The following TLK2 variants were observed in gnomAD, a reference collection of about 807,000 sequenced individuals.
TLK2 encodes the protein tousled like kinase 2.
In TLK2, 6 loss-of-function variants were observed where a neutral mutation model predicts 117.3. That is an observed-to-expected ratio of 0.05 (90% confidence interval 0.03 to 0.10). TLK2 has a LOEUF of 0.10. Ranked by LOEUF, TLK2 falls within the 10% of genes least tolerant of loss-of-function variation. The probability of loss-of-function intolerance (pLI) is 1.00; values close to 1 mark genes in which losing one functional copy is unlikely to be tolerated. For synonymous variants in TLK2, 257 were observed against 316.7 expected, an observed-to-expected ratio of 0.81 and a Z score of 2.00; for missense variants, 299 against 901.2, an observed-to-expected ratio of 0.33 and a Z score of 8.56.
intron 2 of TLK2, among the ~76,000 whole-genome samples, chr17:62,509,834 G>A (rs1484127866): frequency 1.3e-5 from 2 of 152,188 alleles, no homozygotes; most frequent in African/African-American, 2.4e-5. Flanking sequence ...TTGTGAGGAT[G>A]TAGGATTCCT....
At chr17:62,567,149 G>A (rs112300675) in intron 11 of TLK2, among the ~76,000 whole-genome samples, 173 of 152,194 alleles carry the variant, frequency 1.1e-3, no homozygotes, top group Non-Finnish European at 1.5e-3. Context: ...GATGACTTGA[G>A]CCCAGGAGGC....
intron 10 of TLK2, among the ~76,000 whole-genome samples, chr17:62,561,334 G>A (rs2079259945): frequency 1.3e-5 from 2 of 152,164 alleles, no homozygotes; most frequent in South Asian, 4.1e-4. Context: ...AATCCTTTGG[G>A]TATATACCCA....
At chr17:62,550,769 G>C (rs992694074) in intron 7 of TLK2, 5 of 152,180 alleles carry the variant, frequency 3.3e-5, no homozygotes, top group African/African-American at 1.2e-4. Context: ...ACTCACATAG[G>C]TACTTAATAT....
At chr17:62,554,500 T>A (rs1414049527) in intron 9 of TLK2, among the ~76,000 whole-genome samples, 1 of 152,186 alleles carries the variant, frequency 6.6e-6, no homozygotes, top group African/African-American at 2.4e-5. Context: ...GAGAATTGAT[T>A]GAGCCTGGGA....
intron 9 of TLK2, among the ~76,000 whole-genome samples, chr17:62,556,560 T>G (rs1439512434): frequency 6.6e-6 from 1 of 152,224 alleles, no homozygotes; most frequent in African/African-American, 2.4e-5. Context: ...TCGTTCTGCC[T>G]CTCAAATATA....
At chr17:62,547,151 C>T (rs2078009368) in intron 7 of TLK2, among the ~76,000 whole-genome samples, 1 of 152,048 alleles carries the variant, frequency 6.6e-6, no homozygotes, top group Non-Finnish European at 1.5e-5. Context: ...ATACTATAAA[C>T]TATTGAAAAT....
At chr17:62,531,462 C>T (rs2076736267) in intron 6 of TLK2, among the ~76,000 whole-genome samples, 1 of 152,156 alleles carries the variant, frequency 6.6e-6, no homozygotes, top group Non-Finnish European at 1.5e-5. Context: ...ATGGTAGACA[C>T]AATTATTTTA....
rs184855952 is a variant in TLK2 at position 62,514,275 on chromosome 17, C to G, written c.82-6498C>G. 7.9e-5 allele frequency among the ~76,000 whole-genome samples: 12 copies of G among 151,696 alleles called. No homozygotes were observed. In the East Asian group the frequency reaches 2.2e-3, roughly 27 times the overall value. On this transcript the variant is annotated intron_variant, in intron 2 of 21. Transcript: ENST00000346027. ...TCTTCTGCCTCAGCCTCCCAAGTAG[C>G]TGGGACTATAGGTGTGTGCTACCAT...
chr17:62,549,797 C>A (rs1476872069), intron 7 of TLK2: 4 of 151,144 alleles, frequency 2.6e-5, no homozygotes, highest in African/African-American at 9.7e-5. Context: ...TACAGGCGCC[C>A]ACCACCACGC....
At position 62,612,292 on chromosome 17, in the gene TLK2, ATATTTGCTCT is replaced by A. The variant is rs879348303; in HGVS notation, c.2080-99_2080-90del. On this transcript the variant is annotated intron_variant, in intron 21 of 21. Coordinates refer to ENST00000346027, the MANE Select transcript of TLK2 (RefSeq NM_006852.6). The stretch of plus-strand genomic sequence containing the variant: ...GCCTTAAGCCCCTTCTCTTTAGTTG[ATATTTGCTCT>A]GGGCCCTGGCAGCCGATAGAGAGCC... The A allele has an allele frequency of 1.9e-3, 2,487 of 1,317,334 alleles. 2 individuals are homozygous for A. Among genetic ancestry groups the A allele is most frequent in the Non-Finnish European group, 2.3e-3 (2,249 of 957,194 alleles). The allele number at this position is 1,317,334 out of a possible 1,614,324, so 81.6% of individuals were successfully genotyped here.
Position 62,579,572 on chromosome 17 carries a change from ATAT to A in TLK2, c.1287-533_1287-531del, listed in dbSNP as rs1197447891. ...TGCCAGAACTTGTCATTTCTTTATC[ATAT>A]TATTAAGAAAATACCCAAGGTAGAG... is the stretch of plus-strand genomic sequence containing the variant. On this transcript the variant is annotated intron_variant, in intron 14 of 21. Transcript: ENST00000346027. 1.5e-4 allele frequency among the ~76,000 whole-genome samples: 23 copies of A among 152,348 alleles called. No individual in the cohort carries two copies. The Middle Eastern group carries it at 0.01, about 68-fold the overall frequency.
intron 7 of TLK2, among the ~76,000 whole-genome samples, chr17:62,540,185 A>G (rs1399562184): frequency 2.1e-5 from 3 of 146,010 alleles, no homozygotes; most frequent in Non-Finnish European, 4.5e-5. Context: ...TAATCCTCCC[A>G]GTTTGGCCTC....
chr17:62,471,509 G>T (rs577882392), intron 1 of TLK2, among the ~76,000 whole-genome samples: 12 of 152,308 alleles, frequency 7.9e-5, no homozygotes, highest in African/African-American at 2.6e-4. Flanking sequence ...CCAATCTGGA[G>T]GCTGTTTATG....
At chr17:62,587,072 C>T (rs1184168003) in intron 16 of TLK2, among the ~76,000 whole-genome samples, 3 of 152,032 alleles carry the variant, frequency 2.0e-5, no homozygotes, top group Middle Eastern at 3.4e-3. Context: ...TAGAATAGTA[C>T]TAGTGGCAGC....
At chr17:62,510,190 T>C (rs957948163) in intron 2 of TLK2, among the ~76,000 whole-genome samples, 23 of 152,138 alleles carry the variant, frequency 1.5e-4, no homozygotes, top group African/African-American at 5.6e-4. Flanking sequence ...GGAGGATTGC[T>C]TGAGCCCAGA....
intron 1 of TLK2, among the ~76,000 whole-genome samples, chr17:62,472,872 G>A (rs1383701226): frequency 6.6e-6 from 1 of 152,176 alleles, no homozygotes; most frequent in Non-Finnish European, 1.5e-5. Context: ...CCTGATCTGA[G>A]AGAAAACATC....
At chr17:62,528,606 G>A (rs1032858713) in intron 6 of TLK2, among the ~76,000 whole-genome samples, 2 of 151,958 alleles carry the variant, frequency 1.3e-5, no homozygotes, top group Admixed American at 6.6e-5. Context: ...TAGTAGACAC[G>A]AGGTTTCGCC....
At chr17:62,475,246 T>C (rs950151373), upstream of TLK2, among the ~76,000 whole-genome samples, 3 of 152,194 alleles carry the variant, frequency 2.0e-5, no homozygotes, top group Non-Finnish European at 4.4e-5. Context: ...AGTTTTCAGA[T>C]GAGGAACCTG....
At position 62,587,477 on chromosome 17, in the gene TLK2, T is replaced by G. The variant is rs535402334; in HGVS notation, c.1460+1251T>G. Among the ~76,000 whole-genome samples the G allele has an allele frequency of 2.6e-5, 4 of 152,326 alleles. No individual in the cohort carries two copies. In the South Asian group the frequency reaches 8.3e-4, roughly 32 times the overall value. The stretch of plus-strand genomic sequence containing the variant: ...TTGGAAGGGGAAAAACAGTGGTCTT[T>G]GAAGTAGCCCTTTAGTTGGCTTCTA... On this transcript the variant is annotated intron_variant, in intron 16 of 21. Transcript: ENST00000346027.
Sources: allele counts gnomAD v4.1 joint callset (sites outside exome capture counted in the v4.1 genomes callset), GRCh38; gene constraint gnomAD v4.1.1; transcripts MANE v1.5; gene names NCBI Gene and HGNC (gene_info 2026-07-23, HGNC 2026-07-21).